Variants in PHACTR1 observed in about 807,000 individuals in gnomAD.
PHACTR1 encodes phosphatase and actin regulator 1, also known as RPEL repeat containing 1.
A neutral mutation model predicts 69.2 loss-of-function variants in PHACTR1; 16 were observed. That is an observed-to-expected ratio of 0.23 (90% CI 0.16 to 0.35). PHACTR1 has a LOEUF of 0.35. Ranked by LOEUF, PHACTR1 falls within the 10% of genes least tolerant of loss-of-function variation. The pLI, the probability that PHACTR1 is intolerant of heterozygous loss-of-function variation, is 1.00. For missense variants in PHACTR1, 510 were observed against 734.7 expected (o/e 0.69, Z 3.54); for synonymous variants, 312 against 284.5 (o/e 1.10, Z -0.97).
chr6:12,956,703 T>A (rs2127559946), intron 4 of PHACTR1, among the ~76,000 whole-genome samples: 1 of 152,272 alleles, frequency 6.6e-6, no homozygotes, highest in Non-Finnish European at 1.5e-5. Flanking sequence ...AGCCACCCCT[T>A]TGGCATTTCA....
intron 5 of PHACTR1, among the ~76,000 whole-genome samples, chr6:13,151,063 C>T (rs1824234606): frequency 6.6e-6 from 1 of 152,170 alleles, no homozygotes; most frequent in South Asian, 2.1e-4. Context: ...AGATTTCTAG[C>T]CTAAAAAGTT....
At chr6:13,271,770 C>T (rs372246761) in intron 10 of PHACTR1, among the ~76,000 whole-genome samples, 13 of 151,876 alleles carry the variant, frequency 8.6e-5, no homozygotes, top group East Asian at 7.7e-4. Context: ...CACAGAGGAC[C>T]AACTGTAGTT....
At chr6:13,048,517 T>C (rs747742640) in intron 4 of PHACTR1, among the ~76,000 whole-genome samples, 2 of 130,204 alleles carry the variant, frequency 1.5e-5, no homozygotes, top group Non-Finnish European at 3.3e-5. Context: ...TTGGTTTCCA[T>C]TTCTTTGTGT....
intron 5 of PHACTR1, among the ~76,000 whole-genome samples, chr6:13,092,816 C>T (rs1042794134): frequency 3.9e-5 from 6 of 152,232 alleles, no homozygotes; most frequent in Non-Finnish European, 8.8e-5. Flanking sequence ...TGCCAGAATA[C>T]ATGCTTTGCT....
At chr6:13,243,864 C>T (rs879021879) in intron 10 of PHACTR1, among the ~76,000 whole-genome samples, 4 of 152,100 alleles carry the variant, frequency 2.6e-5, no homozygotes, top group African/African-American at 7.2e-5. Flanking sequence ...GTTTTCTGTT[C>T]CTGTGTTAGT....
At position 12,894,325 on chromosome 6, in the gene PHACTR1, C is replaced by T. The variant is rs182011031; in HGVS notation, c.250+144535C>T. On this transcript the variant is annotated intron_variant, in intron 4 of 14. Transcript: ENST00000332995. ...AGGCCATCAAAACTTTTCATTTGGG[C>T]GGGGCACAGTGGCTGACGCCTATAA... 6.2e-3 allele frequency among the ~76,000 whole-genome samples: 938 copies of T among 152,314 alleles called. 6 individuals are homozygous for T. Among genetic ancestry groups the T allele is most frequent in the African/African-American group, 0.021 (878 of 41,572 alleles).
chr6:12,892,659 CT>C (rs1489611774), intron 4 of PHACTR1, among the ~76,000 whole-genome samples: 9 of 152,170 alleles, frequency 5.9e-5, no homozygotes, highest in Non-Finnish European at 1.3e-4. Flanking sequence ...TTATAGACAT[CT>C]TTTTCCCCCC....
chr6:13,007,657 CCT>C (rs1491506522), intron 4 of PHACTR1, among the ~76,000 whole-genome samples: 2 of 89,642 alleles, frequency 2.2e-5, no homozygotes, highest in African/African-American at 9.6e-5. Context: ...TTTTGGAGAT[CCT>C]TTTTTTTTTT....
intron 4 of PHACTR1, among the ~76,000 whole-genome samples, chr6:13,046,556 A>G (rs573112191): frequency 3.9e-5 from 6 of 152,298 alleles, no homozygotes; most frequent in African/African-American, 1.4e-4. Context: ...GTACTCTCTC[A>G]GGCATCGTGT....
At chr6:13,240,373 G>A (rs1294587252) in intron 10 of PHACTR1, among the ~76,000 whole-genome samples, 1 of 146,320 alleles carries the variant, frequency 6.8e-6, no homozygotes, top group Non-Finnish European at 1.5e-5. Flanking sequence ...GTTAATCTAA[G>A]CAGAAGGCAG....
chr6:13,089,439 C>T (rs1482417418), intron 5 of PHACTR1, among the ~76,000 whole-genome samples: 2 of 152,108 alleles, frequency 1.3e-5, no homozygotes, highest in African/African-American at 4.8e-5. Context: ...TCAGGGCAGG[C>T]TTTCTTGGGT....
chr6:12,795,033 A>G (rs1487952571), intron 4 of PHACTR1, among the ~76,000 whole-genome samples: 1 of 152,034 alleles, frequency 6.6e-6, no homozygotes, highest in Non-Finnish European at 1.5e-5. Context: ...TGTGTACATC[A>G]CTCATCTGAG....
chr6:13,010,867 T>A (rs1011052169), intron 4 of PHACTR1, among the ~76,000 whole-genome samples: 2 of 151,518 alleles, frequency 1.3e-5, no homozygotes, highest in East Asian at 3.9e-4. Context: ...CCAGTAGTAA[T>A]TCTTCACTGA....
chr6:12,792,192 C>T (rs868175406), intron 4 of PHACTR1, among the ~76,000 whole-genome samples: 6 of 151,690 alleles, frequency 4.0e-5, no homozygotes, highest in East Asian at 1.9e-4. Context: ...GGGCCGGGCG[C>T]GGTGGCTCAT....
At position 13,214,061 on chromosome 6, in the gene PHACTR1, T is replaced by TA. The variant is rs1167404111; in HGVS notation, c.986+7926dup. 2.1e-4 allele frequency: 32 copies of TA among 152,284 alleles called. 2 individuals carry two copies. In the East Asian group the frequency reaches 5.6e-3, roughly 27 times the overall value. 9.4% of individuals were successfully genotyped at this position (152,284 alleles called of 1,614,324 possible). Reference sequence around the variant, plus strand: ...TTATAGAAACAGGCTTTTGCATACTTACCTGGCAGTGGAGATACCATGATC... The same window carrying TA: ...TTATAGAAACAGGCTTTTGCATACTTAACCTGGCAGTGGAGATACCATGATC... On this transcript the variant is annotated intron_variant, in intron 8 of 14. Transcript: ENST00000332995.
At chr6:13,066,660 C>T (rs374658691) in intron 5 of PHACTR1, among the ~76,000 whole-genome samples, 20 of 152,156 alleles carry the variant, frequency 1.3e-4, no homozygotes, top group African/African-American at 4.8e-4. Context: ...TGAGATTGTT[C>T]TTCTGCTGGT....
intron 5 of PHACTR1, among the ~76,000 whole-genome samples, chr6:13,078,068 G>A (rs139738951): frequency 1.2e-4 from 19 of 152,196 alleles, no homozygotes; most frequent in Admixed American, 6.5e-4. Flanking sequence ...AGTGTAGGAC[G>A]CCAAGGCTGG....
chr6:13,187,865 A>T (rs1763017746), intron 7 of PHACTR1, among the ~76,000 whole-genome samples: 1 of 152,274 alleles, frequency 6.6e-6, no homozygotes, highest in African/African-American at 2.4e-5. Context: ...GCAAACCAGT[A>T]GATATGACAT....
At chr6:12,762,896 A>T (rs927855254) in intron 4 of PHACTR1, among the ~76,000 whole-genome samples, 3 of 152,186 alleles carry the variant, frequency 2.0e-5, no homozygotes, top group African/African-American at 7.2e-5. Flanking sequence ...ATCTGAGTCA[A>T]ACCACGTCAC....
Sources: allele counts gnomAD v4.1 joint callset (sites outside exome capture counted in the v4.1 genomes callset), GRCh38; gene constraint gnomAD v4.1.1; transcripts MANE v1.5; gene names NCBI Gene and HGNC (gene_info 2026-07-23, HGNC 2026-07-21).